Variants in SLC41A3 observed in about 807,000 individuals in gnomAD.
SLC41A3 encodes the protein solute carrier family 41 member 3, also known as SLC41A1-like 2.
SLC41A3 carries 44 observed loss-of-function variants against 45.4 expected under a neutral mutation model. The observed-to-expected ratio is 0.97, with a 90% CI of 0.76 to 1.25. The LOEUF (loss-of-function observed/expected upper bound fraction) is 1.25, where lower values mean the gene tolerates loss of function less well. SLC41A3 is among the 50% of genes most tolerant of loss of function. The pLI is 0.00. For missense variants in SLC41A3, 550 were observed against 600.6 expected (o/e 0.92, Z 0.88); for synonymous variants, 256 against 252.4 (o/e 1.01, Z -0.13).
At chr3:126,081,356 G>A (rs969261295) in intron 1 of SLC41A3, among the ~76,000 whole-genome samples, 4 of 152,304 alleles carry the variant, frequency 2.6e-5, no homozygotes, top group African/African-American at 9.6e-5. Flanking sequence ...AGCCTGTGGC[G>A]GGACAGGGGG....
At chr3:126,054,987 G>A (rs772166952) in intron 2 of SLC41A3, among the ~76,000 whole-genome samples, 3 of 151,984 alleles carry the variant, frequency 2.0e-5, no homozygotes, top group Non-Finnish European at 4.4e-5. Context: ...GGGGATGAGC[G>A]TCCCATCAAC....
intron 3 of SLC41A3, among the ~76,000 whole-genome samples, chr3:126,036,928 T>G (rs1314210956): frequency 6.6e-6 from 1 of 152,170 alleles, no homozygotes; most frequent in African/African-American, 2.4e-5. Context: ...CAGAGAGAGC[T>G]CCTACATACC....
chr3:126,039,490 C>T (rs1942438714), intron 3 of SLC41A3, among the ~76,000 whole-genome samples: 1 of 152,174 alleles, frequency 6.6e-6, no homozygotes, highest in South Asian at 2.1e-4. Context: ...TGAGGTGCCT[C>T]CACTGTGCAC....
intron 1 of SLC41A3, among the ~76,000 whole-genome samples, chr3:126,097,169 T>C (rs775456986): frequency 6.4e-4 from 97 of 152,338 alleles, no homozygotes; most frequent in Non-Finnish European, 1.2e-3. Context: ...TGCCCAGTGC[T>C]TTCCTTACCT....
intron 1 of SLC41A3, among the ~76,000 whole-genome samples, chr3:126,094,043 C>T (rs1181918237): frequency 3.3e-5 from 5 of 152,170 alleles, no homozygotes; most frequent in South Asian, 2.1e-4. Context: ...TGATGGACAA[C>T]CTGGGACCAT....
chr3:126,082,914 G>A (rs1576377031), intron 1 of SLC41A3, among the ~76,000 whole-genome samples: 3 of 152,350 alleles, frequency 2.0e-5, no homozygotes, highest in East Asian at 3.9e-4. Flanking sequence ...CACCTTCACA[G>A]GGGACCTCGC....
intron 1 of SLC41A3, among the ~76,000 whole-genome samples, chr3:126,094,398 A>T (rs1203796322): frequency 6.6e-6 from 1 of 152,264 alleles, no homozygotes; most frequent in Non-Finnish European, 1.5e-5. Flanking sequence ...CTTTAGAGAA[A>T]TTAGTTACTG....
chr3:126,006,477 G>C lies in SLC41A3; in HGVS notation c.*539C>G, dbSNP rs1306574544. On this transcript the variant is annotated 3_prime_UTR_variant, in exon 11 of 11. Transcript: ENST00000360370. ...CAGCAAGGACACGATTAAATGTTGAGTGCAGATGAAGGGTTGTATGAGGCC... is the reference window on the plus strand; with the variant it reads ...CAGCAAGGACACGATTAAATGTTGACTGCAGATGAAGGGTTGTATGAGGCC... 3.7e-6 allele frequency: 6 copies of C among 1,614,052 alleles called. No individual in the cohort carries two copies. The highest frequency in any genetic ancestry group is 5.1e-6 in the Non-Finnish European group (6 of 1,180,022).
At chr3:126,063,668 T>C (rs1056976035) in intron 2 of SLC41A3, among the ~76,000 whole-genome samples, 1 of 152,148 alleles carries the variant, frequency 6.6e-6, no homozygotes, top group Non-Finnish European at 1.5e-5. Flanking sequence ...CCTACACATA[T>C]ACTACAGCCA....
chr3:126,050,663 G>A (rs1331122994), intron 3 of SLC41A3, among the ~76,000 whole-genome samples: 5 of 152,182 alleles, frequency 3.3e-5, no homozygotes, highest in Non-Finnish European at 5.9e-5. Flanking sequence ...GCAGGGCGGT[G>A]TGCAGACTCG....
At chr3:126,048,729 A>G (rs1402273999) in intron 3 of SLC41A3, among the ~76,000 whole-genome samples, 1 of 152,236 alleles carries the variant, frequency 6.6e-6, no homozygotes, top group Non-Finnish European at 1.5e-5. Context: ...GATTGAAGGT[A>G]GATCAAAGGG....
chr3:126,061,645 C>T (rs1393173785), intron 2 of SLC41A3, among the ~76,000 whole-genome samples: 2 of 152,198 alleles, frequency 1.3e-5, no homozygotes, highest in African/African-American at 4.8e-5. Context: ...CAAGGGTCCA[C>T]CATACCCTTA....
intron 4 of SLC41A3, among the ~76,000 whole-genome samples, chr3:126,032,790 G>A (rs560114343): frequency 8.5e-5 from 13 of 152,106 alleles, no homozygotes; most frequent in Non-Finnish European, 1.8e-4. Context: ...TGTGATGGAT[G>A]GGGGAGTCAG....
rs1288523526 is a variant in SLC41A3 at position 126,008,749 on chromosome 3, G to A, written c.1237C>T (p.Leu413=). The part of the protein sequence containing the change: ...NSQTFVVLYL[L]AGLIQVTILL... ...AGGCTTACCTGGATCAGGCCTGCCA[G>A]CAGGTAGAGCACCACAAAGGTCTGG... Residue 413 remains leucine, a synonymous_variant, in exon 10 of 11, where the codon CTG becomes TTG. Coordinates refer to ENST00000360370, the MANE Select transcript of SLC41A3 (RefSeq NM_017836.4). 1.2e-6 allele frequency: 2 copies of A among 1,613,982 alleles called. No homozygotes were observed. Among genetic ancestry groups the A allele is most frequent in the Non-Finnish European group, 1.7e-6 (2 of 1,179,900 alleles).
At chr3:126,033,570 G>A in intron 4 of SLC41A3, 37 bp downstream of exon 4, 1 of 1,603,180 alleles carries the variant, frequency 6.2e-7, no homozygotes, top group Non-Finnish European at 8.5e-7. Flanking sequence ...CCTGGCTGCA[G>A]ATTCAGAAGG....
chr3:126,057,418 G>A (rs1943741468), intron 2 of SLC41A3, among the ~76,000 whole-genome samples: 1 of 152,232 alleles, frequency 6.6e-6, no homozygotes, highest in Non-Finnish European at 1.5e-5. Context: ...CTGTTGTTGG[G>A]TGTGTCCTCT....
At chr3:126,044,758 T>C (rs1230135346) in intron 3 of SLC41A3, among the ~76,000 whole-genome samples, 1 of 150,846 alleles carries the variant, frequency 6.6e-6, no homozygotes, top group Non-Finnish European at 1.5e-5. Flanking sequence ...TAGCCGGGCG[T>C]AGTGGTGGGC....
chr3:126,050,773 G>C, intron 3 of SLC41A3, 170 bp downstream of exon 3: 1 of 1,202,546 alleles, frequency 8.3e-7, no homozygotes. Context: ...GGAAAGCCAA[G>C]GCATTGGGCT....
At chr3:126,080,378 C>A (rs1945090754) in intron 1 of SLC41A3, among the ~76,000 whole-genome samples, 1 of 151,996 alleles carries the variant, frequency 6.6e-6, no homozygotes, top group East Asian at 1.9e-4. Context: ...AAAAAAAATC[C>A]AATTAAAATA....
Sources: gnomAD v4.1 joint callset for allele counts (sites outside exome capture counted in the v4.1 genomes callset) on GRCh38, gnomAD v4.1.1 for gene constraint, MANE v1.5 for transcripts, NCBI Gene and HGNC (gene_info 2026-07-23, HGNC 2026-07-21) for gene names.